The following TMC1 variants were observed in gnomAD, a reference collection of about 807,000 sequenced individuals.
The protein encoded by TMC1 is transmembrane channel like 1, also known as transmembrane channel-like protein 1.
A neutral mutation model predicts 105.8 loss-of-function variants in TMC1; 84 were observed. The ratio of observed to expected loss-of-function variants is 0.79; its 90% confidence interval spans 0.67 to 0.95. The LOEUF is 0.95. Ranked by LOEUF, TMC1 falls within the 40% of genes least tolerant of loss-of-function variation. The pLI is 0.00. For synonymous variants in TMC1, 315 were observed against 311.5 expected, an observed-to-expected ratio of 1.01 and a Z score of -0.12; for missense variants, 817 against 914.1, an observed-to-expected ratio of 0.89 and a Z score of 1.37.
chr9:72,753,393 T>C (rs914514679), intron 11 of TMC1, among the ~76,000 whole-genome samples: 2 of 143,076 alleles, frequency 1.4e-5, no homozygotes, highest in Non-Finnish European at 1.5e-5. Context: ...CAGGTATAAA[T>C]GGAGTTTTAT....
chr9:72,579,048 T>G (rs1025256111), intron 2 of TMC1, among the ~76,000 whole-genome samples: 2 of 152,246 alleles, frequency 1.3e-5, no homozygotes, highest in Non-Finnish European at 2.9e-5. Context: ...TACCTCTTTA[T>G]GCTATCTTGT....
chr9:72,754,085 A>C (rs144070580), intron 11 of TMC1, among the ~76,000 whole-genome samples: 65 of 152,262 alleles, frequency 4.3e-4, no homozygotes, highest in African/African-American at 1.5e-3. Context: ...CTCACAGAAG[A>C]AGCAACATCT....
intron 1 of TMC1, among the ~76,000 whole-genome samples, chr9:72,547,193 A>G (rs1004553722): frequency 4.0e-5 from 6 of 150,994 alleles, no homozygotes; most frequent in African/African-American, 1.5e-4. Context: ...AGGATGAGGC[A>G]GGAGAGTGGT....
At chr9:72,743,737 A>C (rs1384489842) in intron 10 of TMC1, among the ~76,000 whole-genome samples, 1 of 148,514 alleles carries the variant, frequency 6.7e-6, no homozygotes, top group Non-Finnish European at 1.5e-5. Flanking sequence ...GAAGGAAGGA[A>C]GGAGAATATA....
intron 2 of TMC1, among the ~76,000 whole-genome samples, chr9:72,612,389 G>T (rs1333057169): frequency 2.0e-5 from 3 of 151,768 alleles, no homozygotes; most frequent in Non-Finnish European, 4.4e-5. Flanking sequence ...GCCCAGGCTG[G>T]TCTTGAACTC....
intron 1 of TMC1, among the ~76,000 whole-genome samples, chr9:72,564,382 T>A (rs1824111330): frequency 6.6e-6 from 1 of 152,242 alleles, no homozygotes; most frequent in Non-Finnish European, 1.5e-5. Context: ...CTTGAAACTT[T>A]TATTTTTCCA....
Position 72,792,061 on chromosome 9 carries a change from A to G in TMC1, c.1400A>G (p.Asn467Ser). ...CTTGCATTAATGGATGAGATTAACA[A>G]CAAGGTAAGCCTTGTTTCTGGATTG... is the stretch of plus-strand genomic sequence containing the variant. The part of the protein sequence containing the change: ...FILALMDEIN[N>S]KIEEEKLVKA... Residue 467 changes from asparagine (N) to serine (S), a missense_variant, in exon 16 of 24, where the codon AAC becomes AGC. Transcript: ENST00000297784. 1.2e-6 allele frequency: 2 copies of G among 1,614,150 alleles called. No individual in the cohort carries two copies. Among genetic ancestry groups the G allele is most frequent in the Non-Finnish European group, 1.7e-6 (2 of 1,180,012 alleles).
At chr9:72,794,963 T>C (rs1828337604) in intron 17 of TMC1, among the ~76,000 whole-genome samples, 1 of 152,110 alleles carries the variant, frequency 6.6e-6, no homozygotes, top group Admixed American at 6.5e-5. Flanking sequence ...AATAACACAA[T>C]ACAGGAATTT....
chr9:72,833,032 T>A (rs745603349), intron 23 of TMC1, among the ~76,000 whole-genome samples: 8 of 152,162 alleles, frequency 5.3e-5, no homozygotes, highest in Non-Finnish European at 8.8e-5. Context: ...GACTTTTTAG[T>A]TTTAAGTATT....
intron 5 of TMC1, among the ~76,000 whole-genome samples, chr9:72,681,749 CTTTAT>C (rs758031854): frequency 2.0e-5 from 3 of 152,066 alleles, no homozygotes; most frequent in Non-Finnish European, 4.4e-5. Flanking sequence ...GAATGGGGAT[CTTTAT>C]TTTGAGTAGA....
At chr9:72,830,949 A>C (rs1215767241) in intron 23 of TMC1, among the ~76,000 whole-genome samples, 1 of 152,044 alleles carries the variant, frequency 6.6e-6, no homozygotes, top group Non-Finnish European at 1.5e-5. Flanking sequence ...AGTGACCTTG[A>C]AAATGCGCAG....
rs1181901214 is a variant in TMC1 at position 72,826,869 on chromosome 9, T to G, written c.2004T>G (p.Ser668Arg). 3.1e-6 allele frequency: 5 copies of G among 1,613,928 alleles called. No homozygotes were observed. The South Asian group carries it at 4.4e-5, about 14-fold the overall frequency. ...LPPSFDCGPF[S>R]GKNRMFEVIG... ...ATCTCCCCCTTTTTAATTCCCCCAGTGGCAAAAATAGAATGTTTGAAGTCA... is the reference window on the plus strand; with the variant it reads ...ATCTCCCCCTTTTTAATTCCCCCAGGGGCAAAAATAGAATGTTTGAAGTCA... The change falls in exon 21 of 24, where the codon AGT (serine) becomes AGG (arginine). Residue 668 changes from serine (S) to arginine (R), a missense_variant and splice_region_variant. Coordinates refer to ENST00000297784, the MANE Select transcript of TMC1 (RefSeq NM_138691.3).
At chr9:72,638,374 C>T (rs1825568479) in intron 4 of TMC1, among the ~76,000 whole-genome samples, 1 of 152,266 alleles carries the variant, frequency 6.6e-6, no homozygotes, top group South Asian at 2.1e-4. Flanking sequence ...CCTCTAACTG[C>T]TCTTCCAATT....
rs531553174 is a variant in TMC1 at position 72,548,164 on chromosome 9, T to G, written c.-428+26251T>G. Among the ~76,000 whole-genome samples, 193 of 152,324 alleles carry G rather than the reference T, an allele frequency of 1.3e-3. 1 individual carries two copies. The highest frequency in any genetic ancestry group is 0.01 in the Middle Eastern group (3 of 294). ...TCCATAGCACTGAGTCTGTATGTGT[T>G]GGGAACTGATTGATAAATTGGAATT... On this transcript the variant is annotated intron_variant, in intron 1 of 23. Transcript: ENST00000297784.
chr9:72,534,102 C>T (rs960960248), intron 1 of TMC1, among the ~76,000 whole-genome samples: 1 of 152,046 alleles, frequency 6.6e-6, no homozygotes, highest in African/African-American at 2.4e-5. Flanking sequence ...CACTGCACTC[C>T]AGCCTGGGTA....
chr9:72,656,847 T>A (rs1258194402), intron 5 of TMC1, among the ~76,000 whole-genome samples: 1 of 152,218 alleles, frequency 6.6e-6, no homozygotes, highest in African/African-American at 2.4e-5. Context: ...GAGATTTGCT[T>A]TTAAGATTTG....
chr9:72,618,338 T>C (rs1825176703), intron 3 of TMC1, among the ~76,000 whole-genome samples: 1 of 152,130 alleles, frequency 6.6e-6, no homozygotes, highest in South Asian at 2.1e-4. Context: ...GATCTCTTTT[T>C]AGTACATTTG....
At chr9:72,789,061 A>G in intron 14 of TMC1, 62 bp from the exon 15 acceptor site, 2 of 1,528,256 alleles carry the variant, frequency 1.3e-6, no homozygotes, top group Non-Finnish European at 1.8e-6. Context: ...TGATACTTTT[A>G]AAATGTAGCT....
At chr9:72,707,376 G>A (rs569894773) in intron 8 of TMC1, among the ~76,000 whole-genome samples, 3 of 152,064 alleles carry the variant, frequency 2.0e-5, no homozygotes, top group African/African-American at 7.2e-5. Context: ...ATTCCCACCA[G>A]CAGTGTAGAA....
Sources: allele counts gnomAD v4.1 joint callset (sites outside exome capture counted in the v4.1 genomes callset), GRCh38; gene constraint gnomAD v4.1.1; transcripts MANE v1.5; gene names NCBI Gene and HGNC (gene_info 2026-07-23, HGNC 2026-07-21).